The following TMEM232 variants were observed in gnomAD, a reference collection of about 807,000 sequenced individuals.
TMEM232 encodes the protein transmembrane protein 232.
TMEM232 carries 80 observed loss-of-function variants against 78.8 expected under a neutral mutation model. That is an observed-to-expected ratio of 1.01 (90% CI 0.85 to 1.22). TMEM232 has a LOEUF of 1.22. Ranked by LOEUF, TMEM232 falls within the 50% of genes most tolerant of loss-of-function variation. The pLI, the probability that TMEM232 is intolerant of heterozygous loss-of-function variation, is 0.00. For missense variants in TMEM232, 881 were observed against 742.2 expected (o/e 1.19, Z -2.17); for synonymous variants, 297 against 254.3 (o/e 1.17, Z -1.60).
rs73784767 is a variant in TMEM232 at position 110,479,590 on chromosome 5, G to T, written c.1703+48998C>A. 4.3e-3 allele frequency among the ~76,000 whole-genome samples: 656 copies of T among 151,720 alleles called. 4 individuals are homozygous for T. Among genetic ancestry groups the T allele is most frequent in the African/African-American group, 0.015 (632 of 41,486 alleles). ...TGATTCTTTGGATCAACAGTATTTT[G>T]CATGTAATTATAGTCTGATCATTCT... On this transcript the variant is annotated intron_variant, in intron 12 of 13. Transcript: ENST00000455884.
chr5:110,612,928 G>T (rs892471153), intron 8 of TMEM232, among the ~76,000 whole-genome samples: 3 of 152,050 alleles, frequency 2.0e-5, no homozygotes, highest in Non-Finnish European at 4.4e-5. Context: ...CAAACCACAG[G>T]GTGGAGCATT....
At chr5:110,633,947 A>G (rs1312569506) in intron 5 of TMEM232, among the ~76,000 whole-genome samples, 1 of 152,192 alleles carries the variant, frequency 6.6e-6, no homozygotes, top group Non-Finnish European at 1.5e-5. Flanking sequence ...TATGCTGCCT[A>G]TAAGAAATGC....
At chr5:110,458,901 C>T (rs1447310213) in intron 12 of TMEM232, among the ~76,000 whole-genome samples, 1 of 152,118 alleles carries the variant, frequency 6.6e-6, no homozygotes, top group Non-Finnish European at 1.5e-5. Context: ...TGCTAAGTTG[C>T]ACTTAATATC....
chr5:110,661,377 T>C (rs1160460798), intron 2 of TMEM232, among the ~76,000 whole-genome samples: 1 of 151,504 alleles, frequency 6.6e-6, no homozygotes, highest in African/African-American at 2.4e-5. Context: ...AGTGGTGCAA[T>C]CTTTGCTCAC....
At chr5:110,550,548 C>T (rs1313560062) in intron 11 of TMEM232, among the ~76,000 whole-genome samples, 1 of 151,548 alleles carries the variant, frequency 6.6e-6, no homozygotes, top group Non-Finnish European at 1.5e-5. Flanking sequence ...AATTAACACA[C>T]AAAACTAAAT....
At chr5:110,525,398 T>C (rs1489971768) in intron 12 of TMEM232, among the ~76,000 whole-genome samples, 1 of 151,976 alleles carries the variant, frequency 6.6e-6, no homozygotes, top group African/African-American at 2.4e-5. Context: ...TTTGAAAATA[T>C]ATAAGGGCAA....
At position 110,478,168 on chromosome 5, in the gene TMEM232, TC is replaced by T. The variant is rs1182156744; in HGVS notation, c.1703+50419del. ...CTATGAATTTTTCCTGCGTTAATCA[TC>T]AACATCGACCCAGTTTTGCTGCTAT... On this transcript the variant is annotated intron_variant, in intron 12 of 13. Transcript: ENST00000455884. Among the ~76,000 whole-genome samples the T allele has an allele frequency of 2.0e-5, 3 of 151,960 alleles. No homozygotes were observed. The South Asian group carries it at 6.2e-4, about 31-fold the overall frequency.
downstream of TMEM232, chr5:110,417,750 T>C (rs950000087): frequency 4.6e-5 from 7 of 151,900 alleles, no homozygotes; most frequent in Admixed American, 3.9e-4. Flanking sequence ...ACAATGTTCA[T>C]TTATTTAACT....
chr5:110,435,919 T>C (rs1318218938), intron 12 of TMEM232, among the ~76,000 whole-genome samples: 1 of 152,030 alleles, frequency 6.6e-6, no homozygotes, highest in Non-Finnish European at 1.5e-5. Context: ...GCAACAAATA[T>C]TGGAGTGTAG....
At position 110,672,146 on chromosome 5, in the gene TMEM232, C is replaced by T. The variant is rs59010842; in HGVS notation, c.-12-4782G>A. Among the ~76,000 whole-genome samples, 420 of 152,258 alleles carry T rather than the reference C, an allele frequency of 2.8e-3. 6 individuals are homozygous for T. The highest frequency in any genetic ancestry group is 9.6e-3 in the African/African-American group (398 of 41,568). On this transcript the variant is annotated intron_variant, in intron 1 of 13. Coordinates refer to ENST00000455884, the MANE Select transcript of TMEM232 (RefSeq NM_001039763.4). ...TTTGGCTATTTCTTGAGATATTTCA[C>T]AGAGTTGGCTATAATTAGTAATATT...
rs570288799 is a variant in TMEM232 at position 110,442,651 on chromosome 5, TCA to T, written c.1704-17737_1704-17736del. Among the ~76,000 whole-genome samples, 19 of 152,200 alleles carry T rather than the reference TCA, an allele frequency of 1.2e-4. No individual in the cohort carries two copies. In the South Asian group the frequency reaches 3.5e-3, roughly 28 times the overall value. On this transcript the variant is annotated intron_variant, in intron 12 of 13. Transcript: ENST00000455884. Reference sequence around the variant, plus strand: ...AACTTATTTAGTTTGTTTGCTGAAGTCACAGTTTCCTGGATGGTCTTTATGCT... The same window carrying T: ...AACTTATTTAGTTTGTTTGCTGAAGTCAGTTTCCTGGATGGTCTTTATGCT...
At chr5:110,613,228 C>A (rs1253283258) in intron 8 of TMEM232, among the ~76,000 whole-genome samples, 4 of 152,090 alleles carry the variant, frequency 2.6e-5, no homozygotes, top group Non-Finnish European at 5.9e-5. Context: ...CAGCTGAAAC[C>A]ATTTGCTTCT....
intron 12 of TMEM232, among the ~76,000 whole-genome samples, chr5:110,459,150 T>C (rs2149351067): frequency 6.6e-6 from 1 of 152,200 alleles, no homozygotes; most frequent in East Asian, 1.9e-4. Flanking sequence ...AATATAAATA[T>C]TAGAGATTAC....
At chr5:110,542,049 C>G (rs1773192942) in intron 11 of TMEM232, among the ~76,000 whole-genome samples, 1 of 152,138 alleles carries the variant, frequency 6.6e-6, no homozygotes, top group African/African-American at 2.4e-5. Context: ...TTGGATACAC[C>G]TTTCAAGGAT....
intron 1 of TMEM232, among the ~76,000 whole-genome samples, chr5:110,696,628 C>A (rs538040563): frequency 0.011 from 1,606 of 152,230 alleles, 23 homozygotes; most frequent in African/African-American, 0.036. Flanking sequence ...AATCAATGTA[C>A]AAAAATCACA....
chr5:110,691,515 T>C (rs1005970564), intron 1 of TMEM232, among the ~76,000 whole-genome samples: 1 of 152,120 alleles, frequency 6.6e-6, no homozygotes, highest in Admixed American at 6.6e-5. Flanking sequence ...AAAATGGAAA[T>C]AAAATTCTAA....
At chr5:110,406,752 A>C (rs1262849064) in intron 2 of TMEM232, among the ~76,000 whole-genome samples, 2 of 152,080 alleles carry the variant, frequency 1.3e-5, no homozygotes, top group East Asian at 3.9e-4. Flanking sequence ...CAAAAGACAA[A>C]ATATATTAAA....
chr5:110,663,745 A>ATGTGTG (rs34518185), intron 2 of TMEM232, among the ~76,000 whole-genome samples: 1 of 134,176 alleles, frequency 7.5e-6, no homozygotes, highest in South Asian at 2.4e-4. Flanking sequence ...GTGTGTGTGT[A>ATGTGTG]TGTGTGTGTG....
chr5:110,534,605 G>A (rs547311662), intron 11 of TMEM232, among the ~76,000 whole-genome samples: 9 of 152,196 alleles, frequency 5.9e-5, no homozygotes, highest in South Asian at 4.1e-4. Flanking sequence ...CCTATTCACC[G>A]TTCTCAACTA....
Sources: gnomAD v4.1 joint callset for allele counts (sites outside exome capture counted in the v4.1 genomes callset) on GRCh38, gnomAD v4.1.1 for gene constraint, MANE v1.5 for transcripts, NCBI Gene and HGNC (gene_info 2026-07-23, HGNC 2026-07-21) for gene names.